AUTS2: variants seen among roughly 807,000 people sequenced by gnomAD.
The protein encoded by AUTS2 is autism susceptibility gene 2 protein.
A neutral mutation model predicts 112.4 loss-of-function variants in AUTS2; 17 were observed. The observed-to-expected ratio is 0.15, with a 90% CI of 0.10 to 0.23. The LOEUF is 0.23. AUTS2 is among the 10% of genes least tolerant of loss of function. The pLI is 1.00. For missense variants in AUTS2, 1,510 were observed against 1,701.6 expected (o/e 0.89, Z 1.98); for synonymous variants, 751 against 702.7 (o/e 1.07, Z -1.09).
In AUTS2 at chr7:70,659,273, C is replaced by T. The variant is rs140696490; in HGVS notation, c.691-39296C>T. On this transcript the variant is annotated intron_variant, in intron 5 of 18. Coordinates refer to ENST00000342771, the MANE Select transcript of AUTS2 (RefSeq NM_015570.4). ...CTGGCGGTCCTCAGCCTGAACTGCG[C>T]GTTGGAATCACCTGGGAAGCTTTAA... 4.7e-3 allele frequency among the ~76,000 whole-genome samples: 720 copies of T among 152,326 alleles called. 4 individuals are homozygous for T. Among genetic ancestry groups the T allele is most frequent in the African/African-American group, 0.01 (433 of 41,578 alleles).
In AUTS2 at chr7:70,204,211, T is replaced by C. The variant is rs80247449; in HGVS notation, c.660+69640T>C. Among the ~76,000 whole-genome samples, 1,314 of 152,308 alleles carry C rather than the reference T, an allele frequency of 8.6e-3. 48 individuals carry two copies. In the East Asian group the frequency reaches 0.1, roughly 12 times the overall value. ...TGCCTCATTCATATTTTCAAAAGGA[T>C]ATAAATACATTGTTGTATATCTTTA... On this transcript the variant is annotated intron_variant, in intron 4 of 18. Transcript: ENST00000342771.
chr7:70,562,470 C>G (rs1230108906), intron 5 of AUTS2, among the ~76,000 whole-genome samples: 1 of 152,218 alleles, frequency 6.6e-6, no homozygotes, highest in Admixed American at 6.5e-5. Flanking sequence ...ATGTCAGGGT[C>G]TGTATTGATA....
chr7:70,661,342 G>C (rs1807059950), intron 5 of AUTS2, among the ~76,000 whole-genome samples: 1 of 152,152 alleles, frequency 6.6e-6, no homozygotes, highest in African/African-American at 2.4e-5. Flanking sequence ...ATGAGGGGAA[G>C]GTAGTCCCCT....
At chr7:70,061,366 T>G (rs1802237765) in intron 2 of AUTS2, among the ~76,000 whole-genome samples, 1 of 152,180 alleles carries the variant, frequency 6.6e-6, no homozygotes, top group Non-Finnish European at 1.5e-5. Context: ...TTTCTTTCCT[T>G]AAGTTTTAAC....
intron 1 of AUTS2, among the ~76,000 whole-genome samples, chr7:69,838,155 C>A (rs1408172448): frequency 1.3e-5 from 2 of 152,136 alleles, no homozygotes; most frequent in Non-Finnish European, 2.9e-5. Context: ...ATATTCTGAT[C>A]AAGCTTTGGC....
At chr7:69,702,367 AG>A (rs1797856564) in intron 1 of AUTS2, among the ~76,000 whole-genome samples, 1 of 152,246 alleles carries the variant, frequency 6.6e-6, no homozygotes, top group Non-Finnish European at 1.5e-5. Context: ...AGGCAGAGGC[AG>A]GGTGAGAAGG....
chr7:70,134,142 C>T (rs1355574961), intron 3 of AUTS2, among the ~76,000 whole-genome samples: 3 of 152,086 alleles, frequency 2.0e-5, no homozygotes, highest in Non-Finnish European at 2.9e-5. Context: ...TGCCCCTTTG[C>T]GGCCACAAAA....
At chr7:69,930,787 T>A (rs989332247) in intron 2 of AUTS2, among the ~76,000 whole-genome samples, 3 of 152,224 alleles carry the variant, frequency 2.0e-5, no homozygotes, top group Admixed American at 6.5e-5. Context: ...TTTGACATTC[T>A]TTTGTACTTA....
chr7:69,679,021 T>C (rs910688013), intron 1 of AUTS2, among the ~76,000 whole-genome samples: 3 of 152,242 alleles, frequency 2.0e-5, no homozygotes, highest in African/African-American at 4.8e-5. Context: ...AGGAGAGTAA[T>C]TGGCCATGCT....
chr7:69,758,048 C>T (rs928431508), intron 1 of AUTS2, among the ~76,000 whole-genome samples: 2 of 152,212 alleles, frequency 1.3e-5, no homozygotes, highest in Non-Finnish European at 2.9e-5. Context: ...GATCTTTGAT[C>T]TGGTTCTTGA....
intron 4 of AUTS2, among the ~76,000 whole-genome samples, chr7:70,419,505 T>C (rs1372388872): frequency 2.0e-5 from 3 of 152,212 alleles, no homozygotes; most frequent in Non-Finnish European, 4.4e-5. Context: ...TTAGCAGATT[T>C]CGTGGCCCTT....
In AUTS2 at chr7:70,668,245, C is replaced by T. The variant is rs183640550; in HGVS notation, c.691-30324C>T. ...CTGCCTGCGTCAGCCTCCCAAAGTG[C>T]TGGGATTACAGGCATGAGCCACCGC... On this transcript the variant is annotated intron_variant, in intron 5 of 18. Transcript: ENST00000342771. Among the ~76,000 whole-genome samples, 719 of 152,354 alleles carry T rather than the reference C, an allele frequency of 4.7e-3. 3 individuals carry two copies. Among genetic ancestry groups the T allele is most frequent in the Admixed American group, 8.3e-3 (127 of 15,308 alleles).
intron 4 of AUTS2, among the ~76,000 whole-genome samples, chr7:70,431,142 G>A (rs1290371985): frequency 6.6e-6 from 1 of 151,540 alleles, no homozygotes; most frequent in Non-Finnish European, 1.5e-5. Context: ...CGGCCGTGTC[G>A]CCATTTTTTA....
rs1007485523 is a variant in AUTS2 at position 70,377,762 on chromosome 7, G to A, written c.661-57990G>A. On this transcript the variant is annotated intron_variant, in intron 4 of 18. Coordinates refer to ENST00000342771, the MANE Select transcript of AUTS2 (RefSeq NM_015570.4). Reference sequence around the variant, plus strand: ...CTTTTGTCTGGCTTATTTCGCTTAGGATAATGTCTTCTTTTTTTTTTTTTT... The same window carrying A: ...CTTTTGTCTGGCTTATTTCGCTTAGAATAATGTCTTCTTTTTTTTTTTTTT... Among the ~76,000 whole-genome samples the A allele has an allele frequency of 6.0e-5, 9 of 150,208 alleles. No individual in the cohort carries two copies. The East Asian group carries it at 1.8e-3, about 29-fold the overall frequency.
intron 1 of AUTS2, among the ~76,000 whole-genome samples, chr7:69,860,442 C>G (rs780945133): frequency 6.6e-6 from 1 of 152,084 alleles, no homozygotes; most frequent in Admixed American, 6.5e-5. Context: ...ATGTGTGTGT[C>G]CTTTCATGTC....
intron 5 of AUTS2, among the ~76,000 whole-genome samples, chr7:70,648,728 T>A (rs1806316307): frequency 6.6e-6 from 1 of 152,128 alleles, no homozygotes. Context: ...ATTGCAGGCA[T>A]GCACTACCAC....
intron 5 of AUTS2, among the ~76,000 whole-genome samples, chr7:70,484,570 C>A (rs749813614): frequency 5.3e-5 from 8 of 152,124 alleles, no homozygotes; most frequent in Non-Finnish European, 8.8e-5. Context: ...GATAATTATG[C>A]CCTCCCCAGG....
At chr7:70,055,036 T>C (rs542935379) in intron 2 of AUTS2, among the ~76,000 whole-genome samples, 1 of 152,334 alleles carries the variant, frequency 6.6e-6, no homozygotes, top group Non-Finnish European at 1.5e-5. Flanking sequence ...TGCCTACTTC[T>C]TTCCTTCTAC....
intron 11 of AUTS2, 141 bp from the exon 12 acceptor site, chr7:70,773,887 C>A: frequency 5.2e-6 from 4 of 767,790 alleles, no homozygotes; most frequent in Non-Finnish European, 8.7e-6. Context: ...TGTGTGGTCC[C>A]TGAGAAAAAT....
Sources: allele counts gnomAD v4.1 joint callset (sites outside exome capture counted in the v4.1 genomes callset), GRCh38; gene constraint gnomAD v4.1.1; transcripts MANE v1.5; gene names NCBI Gene and HGNC (gene_info 2026-07-23, HGNC 2026-07-21).